DST: variants seen among roughly 807,000 people sequenced by gnomAD.
DST encodes dystonin, also known as bullous pemphigoid antigen.
DST carries 253 observed loss-of-function variants against 875.2 expected under a neutral mutation model. The observed-to-expected ratio is 0.29, with a 90% CI of 0.26 to 0.32. The LOEUF (loss-of-function observed/expected upper bound fraction) is 0.32. Among genes scored for constraint, DST ranks in the 10% least tolerant of loss-of-function variants. The probability of loss-of-function intolerance (pLI) is 1.00; values close to 1 mark genes in which losing one functional copy is unlikely to be tolerated. For synonymous variants in DST, 3,124 were observed against 3,197.1 expected (o/e 0.98, Z 0.77); for missense variants, 8,287 against 9,111.6 (o/e 0.91, Z 3.68).
chr6:56,833,437 A>C (rs1351930840), intron 4 of DST, among the ~76,000 whole-genome samples: 3 of 152,236 alleles, frequency 2.0e-5, no homozygotes, highest in Admixed American at 2.0e-4. Context: ...TTCTGATTAC[A>C]TTTTAAAAGA....
chr6:56,627,247 T>C lies in DST; in HGVS notation c.4679A>G (p.Asp1560Gly), dbSNP rs1215512743. ...CTGTTCTGCATATTTTTGACACTCG[T>C]CCATTTTGCTCTGTTTCATTTCTAT... ...SEIEMKQSKMDECQKYAEQYS... is the reference protein window; with the variant it reads ...SEIEMKQSKMGECQKYAEQYS... The change falls in exon 34 of 104, where the codon GAC (aspartate) becomes GGC (glycine). Residue 1560 changes from aspartate to glycine, a missense_variant. Transcript: ENST00000680361. The C allele has an allele frequency of 6.8e-6, 11 of 1,612,946 alleles. No individual in the cohort carries two copies. The highest frequency in any genetic ancestry group is 1.3e-5 in the African/African-American group (1 of 74,922).
chr6:56,739,108 C>G (rs995013258), intron 4 of DST, among the ~76,000 whole-genome samples: 1 of 148,236 alleles, frequency 6.7e-6, no homozygotes, highest in Non-Finnish European at 1.5e-5. Context: ...CTACCACATA[C>G]TAGATGCCAC....
chr6:56,523,571 T>G (rs2096744522), intron 69 of DST, among the ~76,000 whole-genome samples: 1 of 152,158 alleles, frequency 6.6e-6, no homozygotes, highest in African/African-American at 2.4e-5. Flanking sequence ...CACAAAGTGC[T>G]TATGCTTTTG....
intron 102 of DST, 39 bp from the exon 103 acceptor site, chr6:56,460,293 T>C: frequency 1.2e-6 from 2 of 1,611,012 alleles, no homozygotes; most frequent in Non-Finnish European, 1.7e-6. Flanking sequence ...AAAATATTGC[T>C]CCTGTACCAT....
At chr6:56,716,095 CTCT>C (rs1237091487) in intron 5 of DST, among the ~76,000 whole-genome samples, 1 of 152,220 alleles carries the variant, frequency 6.6e-6, no homozygotes, top group African/African-American at 2.4e-5. Context: ...ACCCCTAAAA[CTCT>C]TATCCATCTA....
At chr6:56,801,436 A>G (rs933280808) in intron 4 of DST, among the ~76,000 whole-genome samples, 32 of 152,298 alleles carry the variant, frequency 2.1e-4, no homozygotes, top group African/African-American at 7.2e-4. Context: ...AAAAGGCCCT[A>G]TAAACTGTTT....
intron 58 of DST, among the ~76,000 whole-genome samples, chr6:56,559,722 TG>T (rs1368914280): frequency 6.6e-6 from 1 of 152,038 alleles, no homozygotes; most frequent in African/African-American, 2.4e-5. Flanking sequence ...TAATAAAAAT[TG>T]GTAAGACAAT....
intron 55 of DST, among the ~76,000 whole-genome samples, chr6:56,563,433 TG>T (rs1554363581): frequency 2.6e-5 from 4 of 152,236 alleles, no homozygotes; most frequent in Admixed American, 6.5e-5. Flanking sequence ...TTGATGGGGT[TG>T]TTTTTTTTCT....
At chr6:56,632,117 A>G (rs1200936583) in intron 28 of DST, 77 bp from the exon 29 acceptor site, 8 of 1,126,882 alleles carry the variant, frequency 7.1e-6, no homozygotes, top group Non-Finnish European at 1.0e-5. Context: ...TAATATGAGA[A>G]TTTTATATTA....
intron 4 of DST, among the ~76,000 whole-genome samples, chr6:56,763,307 A>C (rs78685566): frequency 0.048 from 7,268 of 152,242 alleles, 563 homozygotes; most frequent in African/African-American, 0.16. Context: ...TAATAAGTCA[A>C]AGCGCTGCTT....
At chr6:56,490,268 T>C (rs1006880034) in intron 85 of DST, among the ~76,000 whole-genome samples, 1 of 152,152 alleles carries the variant, frequency 6.6e-6, no homozygotes, top group Non-Finnish European at 1.5e-5. Context: ...TTGGCATCTA[T>C]AACCTTGCAA....
At position 56,487,190 on chromosome 6, in the gene DST, G is replaced by A. The variant is rs772880502; in HGVS notation, c.20961C>T (p.Ser6987=). The change falls in exon 87 of 104, where the codon TCC becomes TCT. Residue 6987 remains serine, a synonymous_variant. Transcript: ENST00000680361. Reference sequence around the variant, plus strand: ...CCAGTTTCAGGTTGTCATCAGCCAGGGAGGTTTTCTCCTTCAGAGAACGTC... The same window carrying A: ...CCAGTTTCAGGTTGTCATCAGCCAGAGAGGTTTTCTCCTTCAGAGAACGTC... The part of the protein sequence containing the change: ...RTGRSLKEKT[S]LADDNLKLDD... 10 of 1,613,906 alleles carry A rather than the reference G, an allele frequency of 6.2e-6. No homozygotes were observed. In the East Asian group the frequency reaches 2.2e-4, roughly 36 times the overall value.
rs1365689090 is a variant in DST at position 56,597,932 on chromosome 6, G to A, written c.12003C>T (p.Asp4001=). The A allele has an allele frequency of 6.2e-7, 1 of 1,613,380 alleles. No individual in the cohort carries two copies. The highest frequency in any genetic ancestry group is 1.3e-5 in the African/African-American group (1 of 75,000). The change falls in exon 47 of 104, where the codon GAC becomes GAT. Residue 4001 remains aspartate (D), a synonymous_variant. Coordinates refer to ENST00000680361, the MANE Select transcript of DST (RefSeq NM_001374736.1). The part of the protein sequence containing the change: ...ENLLDWLSNV[D]KDSERAGTKH... The stretch of plus-strand genomic sequence containing the variant: ...TTGTCCCTGCCCTTTCTGAGTCTTT[G>A]TCAACATTTGACAACCAGTCCAAAA...
At chr6:56,616,446 C>T in intron 36 of DST, 3 of 1,614,076 alleles carry the variant, frequency 1.9e-6, no homozygotes, top group South Asian at 1.1e-5. Flanking sequence ...GTATCTACTA[C>T]AGAAATTCTA....
rs201703299 is a variant in DST at position 56,482,721 on chromosome 6, T to C, written c.21364A>G (p.Ile7122Val). The C allele has an allele frequency of 7.2e-5, 117 of 1,613,894 alleles. No homozygotes were observed. The African/African-American group carries it at 1.3e-3, about 19-fold the overall frequency. ...GCTTCTAACCGTGTTTGCTTTGATA[T>C]AGAAAGTGCACACACGGTCTCCCAG... ...TRWETVCALS[I>V]SKQTRLEAAL... The change falls in exon 89 of 104, where the codon ATA (isoleucine) becomes GTA (valine). Residue 7122 changes from isoleucine (I) to valine (V), a missense_variant. Physicochemically the swap from Ile to Val is conservative, Grantham distance 29. Around this residue, in one of 10 missense-constraint regions of DST, gnomAD observed 1,292 missense variants for 1,552.7 expected, o/e 0.83. Coordinates refer to ENST00000680361, the MANE Select transcript of DST (RefSeq NM_001374736.1).
Position 56,607,945 on chromosome 6 carries a change from T to G in DST, c.6683A>C (p.Glu2228Ala). The G allele has an allele frequency of 6.2e-7, 1 of 1,613,690 alleles. No homozygotes were observed. The highest frequency in any genetic ancestry group is 8.5e-7 in the Non-Finnish European group (1 of 1,179,744). The change falls in exon 40 of 104, where the codon GAG (glutamate) becomes GCG (alanine). Residue 2228 changes from glutamate to alanine, a missense_variant. Transcript: ENST00000680361. ...RLLLYDGDLD[E>A]AVGMLLEGCH... ...GCCTTCCAGTAGCATGCCAACAGCCTCATCCAAGTCTCCATCGTACAGCAA... is the reference window on the plus strand; with the variant it reads ...GCCTTCCAGTAGCATGCCAACAGCCGCATCCAAGTCTCCATCGTACAGCAA...
intron 5 of DST, among the ~76,000 whole-genome samples, chr6:56,722,387 TA>T (rs2099422243): frequency 6.8e-6 from 1 of 146,562 alleles, no homozygotes; most frequent in South Asian, 2.3e-4. Flanking sequence ...TTTATTTATT[TA>T]TTTATTTATT....
chr6:56,496,420 G>T (rs1366516508), intron 82 of DST, among the ~76,000 whole-genome samples: 1 of 152,004 alleles, frequency 6.6e-6, no homozygotes, highest in African/African-American at 2.4e-5. Flanking sequence ...TCTGTATTTG[G>T]TGTAAGTATG....
chr6:56,808,508 G>A (rs2099755960), intron 4 of DST, among the ~76,000 whole-genome samples: 1 of 152,078 alleles, frequency 6.6e-6, no homozygotes, highest in South Asian at 2.1e-4. Context: ...AGAAGAAAGG[G>A]TAAAAAATGA....
Sources: gnomAD v4.1 joint callset for allele counts (sites outside exome capture counted in the v4.1 genomes callset) on GRCh38, gnomAD v4.1.1 for gene constraint, gnomAD v4.1.1 regional missense constraint, MANE v1.5 for transcripts, NCBI Gene and HGNC (gene_info 2026-07-23, HGNC 2026-07-21) for gene names.